Variants in LRP1B observed in about 807,000 individuals in gnomAD.
The protein encoded by LRP1B is LDL receptor related protein 1B, also known as low-density lipoprotein receptor-related protein 1B.
LRP1B carries 217 observed loss-of-function variants against 556.6 expected under a neutral mutation model. The observed-to-expected ratio is 0.39, with a 90% CI of 0.35 to 0.44. The LOEUF (loss-of-function observed/expected upper bound fraction) is 0.44, where lower values mean the gene tolerates loss of function less well. Among genes scored for constraint, LRP1B ranks in the 20% least tolerant of loss-of-function variants. LRP1B has a pLI of 1.00. For synonymous variants in LRP1B, 2,047 were observed against 1,865.8 expected (o/e 1.10, Z -2.50); for missense variants, 5,053 against 5,620.8 (o/e 0.90, Z 3.23).
intron 77 of LRP1B, among the ~76,000 whole-genome samples, chr2:140,350,208 A>T (rs1185622921): frequency 6.6e-6 from 1 of 151,990 alleles, no homozygotes; most frequent in Non-Finnish European, 1.5e-5. Flanking sequence ...ATCTACAACC[A>T]TAAATTGAAA....
At chr2:140,407,915 T>C (rs79107909) in intron 66 of LRP1B, among the ~76,000 whole-genome samples, 3,094 of 151,882 alleles carry the variant, frequency 0.02, 37 homozygotes, top group African/African-American at 0.028. Flanking sequence ...ACTGCAAAAA[T>C]ATGGAACCAA....
intron 1 of LRP1B, among the ~76,000 whole-genome samples, chr2:141,985,238 G>A (rs565785181): frequency 3.9e-5 from 6 of 152,088 alleles, no homozygotes; most frequent in Non-Finnish European, 8.8e-5. Flanking sequence ...GCATTCTAAG[G>A]TTAATATTTA....
intron 2 of LRP1B, among the ~76,000 whole-genome samples, chr2:141,809,058 T>C (rs1696255310): frequency 6.6e-6 from 1 of 152,102 alleles, no homozygotes; most frequent in African/African-American, 2.4e-5. Flanking sequence ...AGGAATCTAG[T>C]AAAGAGTTTT....
At position 140,231,969 on chromosome 2, in the gene LRP1B, C is replaced by T. The variant is rs2104867968; in HGVS notation, c.*1217G>A. The T allele has an allele frequency of 6.6e-6, 1 of 151,620 alleles. No individual in the cohort carries two copies. Among genetic ancestry groups the T allele is most frequent in the East Asian group, 2.0e-4 (1 of 5,088 alleles). The allele number at this position is 151,620 out of a possible 1,614,324, so 9.4% of individuals were successfully genotyped here. On this transcript the variant is annotated 3_prime_UTR_variant, in exon 91 of 91. Coordinates refer to ENST00000389484, the MANE Select transcript of LRP1B (RefSeq NM_018557.3). The stretch of plus-strand genomic sequence containing the variant: ...GTTTCAACTCAAATTTGAAGATAAA[C>T]AAACCAAACGTGAATGGGGTCCATG...
chr2:140,492,525 C>G (rs925155408), intron 57 of LRP1B, 83 bp downstream of exon 57: 3 of 842,860 alleles, frequency 3.6e-6, no homozygotes, highest in Non-Finnish European at 5.7e-6. Flanking sequence ...TTCACAAACT[C>G]TAATTGCCAG....
intron 2 of LRP1B, among the ~76,000 whole-genome samples, chr2:141,749,344 G>T (rs367765241): frequency 6.6e-6 from 1 of 152,086 alleles, no homozygotes; most frequent in African/African-American, 2.4e-5. Context: ...GACGTAATCA[G>T]ATTAATTTAA....
intron 32 of LRP1B, among the ~76,000 whole-genome samples, chr2:140,779,751 AGAGAGTGTGT>A (rs1689629910): frequency 2.3e-5 from 2 of 86,816 alleles, no homozygotes; most frequent in South Asian, 7.1e-4. Context: ...TCTCTCTGTG[AGAGAGTGTGT>A]GTGTGTGTGT....
chr2:141,062,741 CA>C (rs1699371003), intron 7 of LRP1B, among the ~76,000 whole-genome samples: 1 of 151,698 alleles, frequency 6.6e-6, no homozygotes, highest in African/African-American at 2.4e-5. Flanking sequence ...TGGAGAATAG[CA>C]AACCTGGAAT....
chr2:140,835,800 A>C (rs887316704), intron 31 of LRP1B, among the ~76,000 whole-genome samples: 4 of 152,130 alleles, frequency 2.6e-5, no homozygotes, highest in African/African-American at 9.7e-5. Context: ...CAGCCTCCCA[A>C]AATGCTGGGA....
intron 43 of LRP1B, among the ~76,000 whole-genome samples, chr2:140,563,525 T>C (rs1458569143): frequency 2.0e-5 from 3 of 152,170 alleles, no homozygotes; most frequent in Admixed American, 6.5e-5. Context: ...CAGATTACTG[T>C]CTTCTAATAC....
intron 71 of LRP1B, among the ~76,000 whole-genome samples, chr2:140,368,864 G>A (rs1189186907): frequency 6.6e-6 from 1 of 151,792 alleles, no homozygotes; most frequent in Non-Finnish European, 1.5e-5. Flanking sequence ...AAGTGGTAAT[G>A]CCTTAAGGTA....
At chr2:141,146,923 G>A (rs1701798083) in intron 7 of LRP1B, among the ~76,000 whole-genome samples, 1 of 152,116 alleles carries the variant, frequency 6.6e-6, no homozygotes, top group South Asian at 2.1e-4. Context: ...ACTGTTACAA[G>A]AAAGATCCTT....
chr2:141,749,840 C>T (rs963841864), intron 2 of LRP1B, among the ~76,000 whole-genome samples: 2 of 152,048 alleles, frequency 1.3e-5, no homozygotes, highest in African/African-American at 4.8e-5. Flanking sequence ...TGTAAAATAT[C>T]CTGGGGATTG....
At chr2:141,811,786 CTGTAGAATCAACGA>C (rs1216659221) in intron 1 of LRP1B, among the ~76,000 whole-genome samples, 1 of 152,060 alleles carries the variant, frequency 6.6e-6, no homozygotes, top group African/African-American at 2.4e-5. Flanking sequence ...AGACTTGGTG[CTGTAGAATCAACGA>C]TGTAGAAGCC....
chr2:140,910,921 T>A (rs1694400176), intron 21 of LRP1B, among the ~76,000 whole-genome samples: 1 of 151,884 alleles, frequency 6.6e-6, no homozygotes, highest in African/African-American at 2.4e-5. Flanking sequence ...ATTCTAATTT[T>A]AGAAAATGTT....
At position 141,654,924 on chromosome 2, in the gene LRP1B, A is replaced by G. The variant is rs561536744; in HGVS notation, c.205+155355T>C. ...ATAACAGTCGGGATAGAAATAAGAC[A>G]GTAATGTTAGGGAGGTGTACAATGC... On this transcript the variant is annotated intron_variant, in intron 2 of 90. Transcript: ENST00000389484. Among the ~76,000 whole-genome samples, 6 of 152,290 alleles carry G rather than the reference A, an allele frequency of 3.9e-5. No homozygotes were observed. The South Asian group carries it at 1.2e-3, about 32-fold the overall frequency.
chr2:140,973,891 G>T (rs1696511752), intron 18 of LRP1B, among the ~76,000 whole-genome samples: 1 of 151,900 alleles, frequency 6.6e-6, no homozygotes, highest in Non-Finnish European at 1.5e-5. Flanking sequence ...TATACACATT[G>T]AATATTAATC....
At chr2:141,886,722 TACTC>T (rs1370227564) in intron 1 of LRP1B, among the ~76,000 whole-genome samples, 2 of 152,176 alleles carry the variant, frequency 1.3e-5, no homozygotes, top group African/African-American at 4.8e-5. Flanking sequence ...AGCCATTACT[TACTC>T]ACCTTTTGTT....
chr2:141,142,921 C>CTTTTTTTTTT (rs35543111), intron 7 of LRP1B, among the ~76,000 whole-genome samples: 1 of 101,434 alleles, frequency 9.9e-6, no homozygotes, highest in Admixed American at 1.2e-4. Flanking sequence ...TGTCTGATTA[C>CTTTTTTTTTT]TTTTTTTTTT....
Sources: allele counts gnomAD v4.1 joint callset (sites outside exome capture counted in the v4.1 genomes callset), GRCh38; gene constraint gnomAD v4.1.1; transcripts MANE v1.5; gene names NCBI Gene and HGNC (gene_info 2026-07-23, HGNC 2026-07-21).